Variants in NPR3 observed in about 807,000 individuals in gnomAD.
The protein encoded by NPR3 is natriuretic peptide receptor 3.
In NPR3, 34 loss-of-function variants were observed where a neutral mutation model predicts 54.5. That is an observed-to-expected ratio of 0.62 (90% confidence interval 0.47 to 0.83). NPR3 has a LOEUF of 0.83. Ranked by LOEUF, NPR3 falls within the 40% of genes least tolerant of loss-of-function variation. NPR3 has a pLI of 0.00. For synonymous variants in NPR3, 289 were observed against 297.1 expected, an observed-to-expected ratio of 0.97 and a Z score of 0.28; for missense variants, 674 against 720.8, an observed-to-expected ratio of 0.94 and a Z score of 0.74.
At chr5:32,766,623 TTTATTA>T (rs543790613) in intron 3 of NPR3, among the ~76,000 whole-genome samples, 1 of 152,064 alleles carries the variant, frequency 6.6e-6, no homozygotes, top group African/African-American at 2.4e-5. Flanking sequence ...TTTTACTACA[TTTATTA>T]TTATTATTAT....
chr5:32,693,288 T>C (rs1740446261), intron 1 of NPR3, among the ~76,000 whole-genome samples: 1 of 152,252 alleles, frequency 6.6e-6, no homozygotes, highest in Admixed American at 6.5e-5. Context: ...CTTTTATTGT[T>C]TCGTTCTTTC....
chr5:32,737,508 CTGTTGGGT>C lies in NPR3; in HGVS notation c.893-1354_893-1347del, dbSNP rs1303072060. On this transcript the variant is annotated intron_variant, in intron 2 of 7. Transcript: ENST00000265074. ...TCCCAGAGACATTCTCACTGCTTAG[CTGTTGGGT>C]TCAAGGCCTCTACCAAGGATGAGGG... Among the ~76,000 whole-genome samples, 53 of 152,292 alleles carry C rather than the reference CTGTTGGGT, an allele frequency of 3.5e-4. No individual in the cohort carries two copies. The East Asian group carries it at 6.6e-3, about 19-fold the overall frequency.
intron 3 of NPR3, among the ~76,000 whole-genome samples, chr5:32,752,802 C>G (rs1740643946): frequency 6.6e-6 from 1 of 152,184 alleles, no homozygotes; most frequent in African/African-American, 2.4e-5. Context: ...CATTCATTTT[C>G]TCTAGCTAAA....
chr5:32,713,196 C>T, intron 1 of NPR3: 1 of 985,440 alleles, frequency 1.0e-6, no homozygotes, highest in Non-Finnish European at 1.2e-6. Context: ...ACACTCACTT[C>T]TCCCAGAGTG....
chr5:32,766,218 C>A (rs979382350), intron 3 of NPR3, among the ~76,000 whole-genome samples: 1 of 152,144 alleles, frequency 6.6e-6, no homozygotes, highest in African/African-American at 2.4e-5. Flanking sequence ...GAATTTTGTA[C>A]TCTAGAGGTC....
chr5:32,714,781 A>G (rs58451551), intron 1 of NPR3, among the ~76,000 whole-genome samples: 7,738 of 152,266 alleles, frequency 0.051, 671 homozygotes, highest in African/African-American at 0.18. Context: ...TTAAAAATAC[A>G]TTGAAGTAAC....
intron 3 of NPR3, among the ~76,000 whole-genome samples, chr5:32,764,444 A>G (rs1200311836): frequency 6.6e-6 from 1 of 152,080 alleles, no homozygotes; most frequent in Non-Finnish European, 1.5e-5. Context: ...AATCTCTGCT[A>G]GCTACCGTCT....
At chr5:32,772,996 G>C (rs935154598) in intron 3 of NPR3, among the ~76,000 whole-genome samples, 1 of 152,086 alleles carries the variant, frequency 6.6e-6, no homozygotes, top group African/African-American at 2.4e-5. Flanking sequence ...TCCTAGCTAG[G>C]GGTGGGATAA....
In NPR3 at chr5:32,782,963, C is replaced by A; in HGVS notation, c.1361C>A (p.Pro454His). ...MRPNVKYPWG[P>H]LKLRIDENRI... ...CCGAATGTCAAATATCCTTGGGGCCCTTTAAAACTGAGAATAGATGAAAAC... is the reference window on the plus strand; with the variant it reads ...CCGAATGTCAAATATCCTTGGGGCCATTTAAAACTGAGAATAGATGAAAAC... The change falls in exon 6 of 8, where the codon CCT (proline) becomes CAT (histidine). Residue 454 changes from proline to histidine, a missense_variant. Physicochemically the swap from Pro to His is moderately conservative, Grantham distance 77 (BLOSUM62 -2). Coordinates refer to ENST00000265074, the MANE Select transcript of NPR3 (RefSeq NM_001204375.2). The A allele has an allele frequency of 6.2e-7, 1 of 1,609,480 alleles. No individual in the cohort carries two copies. Among genetic ancestry groups the A allele is most frequent in the East Asian group, 2.2e-5 (1 of 44,776 alleles).
upstream of NPR3, among the ~76,000 whole-genome samples, chr5:32,708,862 C>T (rs987036088): frequency 6.6e-5 from 10 of 150,814 alleles, no homozygotes; most frequent in African/African-American, 2.4e-4. Flanking sequence ...TTGTTGCTCA[C>T]TGGAATTCTT....
intron 3 of NPR3, among the ~76,000 whole-genome samples, chr5:32,761,421 G>T (rs1390744708): frequency 2.0e-5 from 3 of 151,890 alleles, no homozygotes; most frequent in African/African-American, 7.2e-5. Flanking sequence ...ATAATTTTTT[G>T]TCTTTTGCTG....
chr5:32,710,631 C>A, upstream of NPR3: 3 of 1,459,554 alleles, frequency 2.1e-6, no homozygotes, highest in Non-Finnish European at 2.7e-6. Context: ...GTGTAGGTGA[C>A]GCCCGGGCCA....
At chr5:32,746,173 T>A (rs140411693) in intron 3 of NPR3, among the ~76,000 whole-genome samples, 11 of 152,168 alleles carry the variant, frequency 7.2e-5, no homozygotes, top group African/African-American at 2.7e-4. Flanking sequence ...AAACAGTGAG[T>A]TCACTTTGTT....
At chr5:32,740,879 T>G (rs1214876418) in intron 3 of NPR3, among the ~76,000 whole-genome samples, 1 of 151,890 alleles carries the variant, frequency 6.6e-6, no homozygotes, top group African/African-American at 2.4e-5. Flanking sequence ...AGAGCCTACG[T>G]TTAAGGAAAC....
At chr5:32,728,831 GTGTGTGTATATATATATATATATATATA>G (rs1342211883) in intron 2 of NPR3, among the ~76,000 whole-genome samples, 48 of 63,970 alleles carry the variant, frequency 7.5e-4, no homozygotes, top group African/African-American at 2.7e-3. Flanking sequence ...GTGTGTGTGT[GTGTGTGTATATATATATATATATATATA>G]TATATATATA....
chr5:32,777,945 C>T (rs573924358), intron 4 of NPR3, among the ~76,000 whole-genome samples: 25 of 152,252 alleles, frequency 1.6e-4, no homozygotes, highest in African/African-American at 5.3e-4. Flanking sequence ...CCTTGGTCGG[C>T]CACATCCCAT....
At chr5:32,732,321 C>T (rs892461662) in intron 2 of NPR3, among the ~76,000 whole-genome samples, 2 of 147,656 alleles carry the variant, frequency 1.4e-5, no homozygotes, top group Non-Finnish European at 3.0e-5. Context: ...CTCCAGGGAT[C>T]GTGTGTTAAT....
chr5:32,777,576 G>T (rs1207293426), intron 4 of NPR3, among the ~76,000 whole-genome samples: 1 of 152,174 alleles, frequency 6.6e-6, no homozygotes, highest in Non-Finnish European at 1.5e-5. Flanking sequence ...TATTTTTTCA[G>T]TTGGGACTCC....
chr5:32,735,761 G>T (rs1167907525), intron 2 of NPR3, among the ~76,000 whole-genome samples: 1 of 152,160 alleles, frequency 6.6e-6, no homozygotes, highest in African/African-American at 2.4e-5. Flanking sequence ...ATGCCAAGCC[G>T]ACCTCTGCTT....
Sources: allele counts gnomAD v4.1 joint callset (sites outside exome capture counted in the v4.1 genomes callset), GRCh38; gene constraint gnomAD v4.1.1; transcripts MANE v1.5; gene names NCBI Gene and HGNC (gene_info 2026-07-23, HGNC 2026-07-21).